Variants in AK2 observed in about 807,000 individuals in gnomAD.
AK2 encodes the protein adenylate kinase 2, mitochondrial.
In AK2, 15 loss-of-function variants were observed where a neutral mutation model predicts 24.6. The observed-to-expected ratio is 0.61, with a 90% CI of 0.41 to 0.94. AK2 has a LOEUF of 0.94. Among genes scored for constraint, AK2 ranks in the 40% least tolerant of loss-of-function variants. The probability of loss-of-function intolerance (pLI) is 0.00; values close to 1 mark genes in which losing one functional copy is unlikely to be tolerated. For missense variants in AK2, 257 were observed against 304.1 expected (o/e 0.85, Z 1.15); for synonymous variants, 102 against 114.0 (o/e 0.90, Z 0.67).
intron 4 of AK2, among the ~76,000 whole-genome samples, chr1:33,017,938 G>A (rs1639297842): frequency 6.6e-6 from 1 of 151,360 alleles, no homozygotes; most frequent in South Asian, 2.1e-4. Flanking sequence ...CTTTTTTTTT[G>A]CTTTATAGTA....
At position 33,036,832 on chromosome 1, in the gene AK2, C is replaced by G; in HGVS notation, c.-4G>C. ...CCGCTGGCACGCTGGGAGCCATGTC[C>G]GCCGAAGTCTCTCACTGCCACCAGT... On this transcript the variant is annotated 5_prime_UTR_variant, in exon 1 of 6. Transcript: ENST00000672715. 1 of 1,587,100 alleles carries G rather than the reference C, an allele frequency of 6.3e-7. No homozygotes were observed. The highest frequency in any genetic ancestry group is 2.3e-5 in the East Asian group (1 of 43,606).
intron 1 of AK2, among the ~76,000 whole-genome samples, chr1:33,025,814 T>C (rs886283472): frequency 6.6e-6 from 1 of 152,242 alleles, no homozygotes; most frequent in South Asian, 2.1e-4. Context: ...CCCTGGCATA[T>C]AGTAAGCGCT....
intron 1 of AK2, among the ~76,000 whole-genome samples, chr1:33,028,321 T>C (rs1640026542): frequency 6.6e-6 from 1 of 151,984 alleles, no homozygotes; most frequent in African/African-American, 2.4e-5. Flanking sequence ...ATGACCAACA[T>C]GGAGAAACCC....
intron 4 of AK2, among the ~76,000 whole-genome samples, chr1:33,015,590 G>C (rs1639133683): frequency 6.6e-6 from 1 of 152,186 alleles, no homozygotes; most frequent in Admixed American, 6.5e-5. Context: ...TCACCATTTG[G>C]CAGGCATAGC....
At chr1:33,024,603 C>T (rs768406935) in intron 1 of AK2, 36 bp from the exon 2 acceptor site, 2 of 1,613,690 alleles carry the variant, frequency 1.2e-6, no homozygotes, top group Admixed American at 1.7e-5. Flanking sequence ...GATTCAATTA[C>T]ATTACAGGCT....
At position 33,008,535 on chromosome 1, in the gene AK2, C is replaced by T. The variant is rs1367370454; in HGVS notation, c.*4646G>A. ...AAAAGAGCTCTTATTCAGAGCAGCCCTTCCTGTGTGCAGAGCTACGCAAGT... is the reference window on the plus strand; with the variant it reads ...AAAAGAGCTCTTATTCAGAGCAGCCTTTCCTGTGTGCAGAGCTACGCAAGT... On this transcript the variant is annotated 3_prime_UTR_variant, in exon 6 of 6. Transcript: ENST00000672715. The T allele has an allele frequency of 2.2e-6, 1 of 454,106 alleles. No homozygotes were observed. The highest frequency in any genetic ancestry group is 4.4e-6 in the Non-Finnish European group (1 of 226,796). The allele number at this position is 454,106 out of a possible 1,614,324, so 28.1% of individuals were successfully genotyped here.
chr1:33,026,488 A>C (rs1000897128), intron 1 of AK2, among the ~76,000 whole-genome samples: 1 of 152,270 alleles, frequency 6.6e-6, no homozygotes, highest in African/African-American at 2.4e-5. Flanking sequence ...ACTTCATAGC[A>C]AAATGGAATC....
At chr1:33,034,492 AT>A (rs1427267508) in intron 1 of AK2, among the ~76,000 whole-genome samples, 10 of 146,338 alleles carry the variant, frequency 6.8e-5, no homozygotes, top group Middle Eastern at 3.4e-3. Context: ...ACACACATAT[AT>A]CATAATTTTC....
In AK2 at chr1:33,008,430, T is replaced by G. The variant is rs1228005320; in HGVS notation, c.*4751A>C. On this transcript the variant is annotated 3_prime_UTR_variant, in exon 6 of 6. Transcript: ENST00000672715. Reference sequence around the variant, plus strand: ...AGTGACACTTTGTGCACACAGGAGATCCTAAGACACATACCCTAGGCCCTC... The same window carrying G: ...AGTGACACTTTGTGCACACAGGAGAGCCTAAGACACATACCCTAGGCCCTC... 8.8e-6 allele frequency: 4 copies of G among 453,994 alleles called. No homozygotes were observed. The East Asian group carries it at 2.1e-4, about 24-fold the overall frequency. 28.1% of individuals were successfully genotyped at this position (453,994 alleles called of 1,614,324 possible).
At chr1:33,021,292 G>T in intron 4 of AK2, 75 bp downstream of exon 4, 1 of 1,310,960 alleles carries the variant, frequency 7.6e-7, no homozygotes. Context: ...TCATGGCCGG[G>T]ATTAGGCAAG....
chr1:33,018,304 A>G (rs1025250226), intron 4 of AK2, among the ~76,000 whole-genome samples: 2 of 152,200 alleles, frequency 1.3e-5, no homozygotes, highest in African/African-American at 4.8e-5. Context: ...CAATGGGTCC[A>G]TATCATCTCA....
At chr1:33,027,050 C>G (rs1639934999) in intron 1 of AK2, among the ~76,000 whole-genome samples, 1 of 152,080 alleles carries the variant, frequency 6.6e-6, no homozygotes, top group African/African-American at 2.4e-5. Flanking sequence ...TGCTTGAACC[C>G]AGAAGGTGGA....
chr1:33,016,734 C>T (rs926898985), intron 4 of AK2, among the ~76,000 whole-genome samples: 17 of 151,972 alleles, frequency 1.1e-4, no homozygotes, highest in African/African-American at 4.1e-4. Context: ...GAGACAGAGT[C>T]TCATTCTGTT....
intron 4 of AK2, among the ~76,000 whole-genome samples, chr1:33,018,329 C>A (rs1281069884): frequency 6.6e-6 from 1 of 152,098 alleles, no homozygotes; most frequent in East Asian, 1.9e-4. Context: ...TGAAAAAGAT[C>A]CTGTGTGAGG....
In AK2 at chr1:33,020,019, T is replaced by C; in HGVS notation, c.425+1348A>G. 3 of 1,519,250 alleles carry C rather than the reference T, an allele frequency of 2.0e-6. No homozygotes were observed. The Middle Eastern group carries it at 5.1e-4, about 256-fold the overall frequency. The allele number at this position is 1,519,250 out of a possible 1,614,324, so 94.1% of individuals were successfully genotyped here. A position where few individuals can be genotyped will look rare whatever the true frequency, so the allele number is the denominator to read the frequency against. ...AAGGGAATGGAGGGTCCATTTGCAG[T>C]TGAAAGCTTCTGTCATACTTCTGGA... is the stretch of plus-strand genomic sequence containing the variant. On this transcript the variant is annotated intron_variant, in intron 4 of 5. Transcript: ENST00000672715.
At position 33,024,529 on chromosome 1, in the gene AK2, T is replaced by C. The variant is rs752860310; in HGVS notation, c.132A>G (p.Leu44=). 6.2e-7 allele frequency: 1 copy of C among 1,614,110 alleles called. No individual in the cohort carries two copies. The highest frequency in any genetic ancestry group is 2.2e-5 in the East Asian group (1 of 44,870). ...TGGCCCTCAGCATGTCCCCAGTAGC[T>C]AAATGGCAGACACAGAAGTTTTCAG... ...RLAENFCVCH[L]ATGDMLRAMV... The change falls in exon 2 of 6, where the codon TTA becomes TTG. Residue 44 remains leucine, a synonymous_variant. Coordinates refer to ENST00000672715, the MANE Select transcript of AK2 (RefSeq NM_001625.4).
At chr1:33,014,965 T>C (rs1186813694) in intron 4 of AK2, among the ~76,000 whole-genome samples, 2 of 152,220 alleles carry the variant, frequency 1.3e-5, no homozygotes, top group African/African-American at 4.8e-5. Context: ...ATTCAGAAGC[T>C]ACAAAGCAAT....
intron 4 of AK2, among the ~76,000 whole-genome samples, chr1:33,020,959 C>T (rs1569640892): frequency 6.6e-6 from 1 of 151,988 alleles, no homozygotes; most frequent in Admixed American, 6.6e-5. Flanking sequence ...GCCGGGCCAA[C>T]ATGGTGAAAC....
intron 4 of AK2, among the ~76,000 whole-genome samples, chr1:33,017,765 AT>A (rs146395146): frequency 5.3e-5 from 8 of 152,032 alleles, no homozygotes; most frequent in African/African-American, 1.9e-4. Context: ...CTTTATTTTT[AT>A]TTTTTTGAGA....
Sources: allele counts gnomAD v4.1 joint callset (sites outside exome capture counted in the v4.1 genomes callset), GRCh38; gene constraint gnomAD v4.1.1; transcripts MANE v1.5; gene names NCBI Gene and HGNC (gene_info 2026-07-23, HGNC 2026-07-21).